The following CSMD2 variants were observed in gnomAD, a reference collection of about 807,000 sequenced individuals.
The protein encoded by CSMD2 is CUB and sushi domain-containing protein 2.
CSMD2 carries 130 observed loss-of-function variants against 398.5 expected under a neutral mutation model. The ratio of observed to expected loss-of-function variants is 0.33; its 90% confidence interval spans 0.28 to 0.38. The LOEUF is 0.38. Among genes scored for constraint, CSMD2 ranks in the 10% least tolerant of loss-of-function variants. The probability of loss-of-function intolerance (pLI) is 1.00; values close to 1 mark genes in which losing one functional copy is unlikely to be tolerated. For synonymous variants in CSMD2, 1,828 were observed against 1,908.5 expected (o/e 0.96, Z 1.10); for missense variants, 3,829 against 4,764.9 (o/e 0.80, Z 5.78).
chr1:34,027,920 A>G (rs200447575), intron 3 of CSMD2, among the ~76,000 whole-genome samples: 3 of 152,096 alleles, frequency 2.0e-5, no homozygotes, highest in East Asian at 1.9e-4. Context: ...CAGGAGGAGG[A>G]GGAGGAGGTA....
intron 2 of CSMD2, among the ~76,000 whole-genome samples, chr1:34,039,092 A>C (rs887743665): frequency 2.6e-5 from 4 of 152,158 alleles, no homozygotes; most frequent in Admixed American, 6.5e-5. Flanking sequence ...GACATCCCAG[A>C]CCAGCCTATT....
At chr1:33,646,565 C>T (rs777900947) in intron 29 of CSMD2, 83 bp downstream of exon 29, 5 of 1,449,966 alleles carry the variant, frequency 3.4e-6, no homozygotes, top group Non-Finnish European at 4.8e-6. Flanking sequence ...CAGCCCAGGG[C>T]TCTCCTCACT....
intron 3 of CSMD2, among the ~76,000 whole-genome samples, chr1:34,023,021 A>G (rs72882632): frequency 0.013 from 1,920 of 152,132 alleles, 35 homozygotes; most frequent in African/African-American, 0.04. Context: ...TATTTTGTAG[A>G]GATGGAGTTT....
At chr1:34,040,277 A>C (rs1053849879) in intron 2 of CSMD2, among the ~76,000 whole-genome samples, 3 of 152,230 alleles carry the variant, frequency 2.0e-5, no homozygotes, top group Non-Finnish European at 2.9e-5. Context: ...TATGAAAGGC[A>C]TACTTCCGGG....
At chr1:34,056,106 G>A (rs1020105210) in intron 2 of CSMD2, among the ~76,000 whole-genome samples, 2 of 152,132 alleles carry the variant, frequency 1.3e-5, no homozygotes, top group East Asian at 3.8e-4. Context: ...TGGTACACTC[G>A]CTTCAGCTCC....
intron 7 of CSMD2, among the ~76,000 whole-genome samples, chr1:33,824,551 T>C (rs1487527386): frequency 1.3e-5 from 2 of 152,150 alleles, no homozygotes; most frequent in Non-Finnish European, 2.9e-5. Context: ...CTCCTGATGT[T>C]CTCCCGGCCA....
chr1:33,520,087 C>T (rs1436144546), intron 68 of CSMD2, 137 bp from the exon 69 acceptor site: 6 of 973,952 alleles, frequency 6.2e-6, no homozygotes, highest in Non-Finnish European at 7.7e-6. Flanking sequence ...GCACGGGAGG[C>T]AGGTGTGCCC....
intron 10 of CSMD2, among the ~76,000 whole-genome samples, chr1:33,792,869 A>G (rs1264563262): frequency 6.6e-6 from 1 of 152,180 alleles, no homozygotes; most frequent in East Asian, 1.9e-4. Flanking sequence ...CTTGTTGGCA[A>G]CTTTTCAGGC....
intron 28 of CSMD2, among the ~76,000 whole-genome samples, chr1:33,649,593 A>G (rs1643646614): frequency 6.6e-6 from 1 of 152,186 alleles, no homozygotes; most frequent in South Asian, 2.1e-4. Flanking sequence ...GCAGTGAGCC[A>G]AGATTGTGCC....
intron 3 of CSMD2, among the ~76,000 whole-genome samples, chr1:33,941,424 C>T (rs1349618370): frequency 6.6e-6 from 1 of 152,136 alleles, no homozygotes; most frequent in Non-Finnish European, 1.5e-5. Flanking sequence ...ATCTCCATGG[C>T]CATACGATTG....
chr1:33,829,766 G>A (rs1045465449), intron 6 of CSMD2, among the ~76,000 whole-genome samples: 6 of 152,214 alleles, frequency 3.9e-5, no homozygotes, highest in South Asian at 2.1e-4. Context: ...AAGGAAAGGG[G>A]TGACAGACGG....
chr1:33,981,696 G>C (rs977452455), intron 3 of CSMD2, among the ~76,000 whole-genome samples: 2 of 152,234 alleles, frequency 1.3e-5, no homozygotes, highest in Non-Finnish European at 2.9e-5. Context: ...ATACAGCAAT[G>C]ACACTGCCAA....
intron 12 of CSMD2, among the ~76,000 whole-genome samples, chr1:33,780,207 C>T (rs765137529): frequency 6.6e-6 from 1 of 152,170 alleles, no homozygotes; most frequent in Non-Finnish European, 1.5e-5. Context: ...AGTGCTCAGA[C>T]CTGTTGTTGA....
At chr1:33,607,403 C>A (rs1018016780) in intron 41 of CSMD2, among the ~76,000 whole-genome samples, 1 of 152,196 alleles carries the variant, frequency 6.6e-6, no homozygotes, top group African/African-American at 2.4e-5. Flanking sequence ...ACAGAAACAG[C>A]CTCAGTGGGG....
chr1:34,124,355 G>A (rs955157149), intron 1 of CSMD2, among the ~76,000 whole-genome samples: 1 of 152,174 alleles, frequency 6.6e-6, no homozygotes, highest in African/African-American at 2.4e-5. Context: ...CTGGTGGGTG[G>A]ACTAGGAGAA....
In CSMD2 at chr1:34,134,581, A is replaced by G. The variant is rs112827192; in HGVS notation, c.187+30330T>C. 5.7e-3 allele frequency among the ~76,000 whole-genome samples: 865 copies of G among 152,348 alleles called. 9 individuals carry two copies. The highest frequency in any genetic ancestry group is 0.02 in the African/African-American group (827 of 41,580). On this transcript the variant is annotated intron_variant, in intron 1 of 70. Coordinates refer to ENST00000373381, the MANE Select transcript of CSMD2 (RefSeq NM_001281956.2). Reference sequence around the variant, plus strand: ...CCAAAACACTGACAAATTTAAGTGCATAAATATGTAGAATCTCTCTATGCA... The same window carrying G: ...CCAAAACACTGACAAATTTAAGTGCGTAAATATGTAGAATCTCTCTATGCA...
At chr1:33,601,149 C>T (rs1640191403) in intron 43 of CSMD2, 139 bp from the exon 44 acceptor site, 1 of 1,091,476 alleles carries the variant, frequency 9.2e-7, no homozygotes, top group East Asian at 2.4e-5. Flanking sequence ...CCACACCATG[C>T]CCTAAATACC....
chr1:34,155,530 C>G (rs1640734552), intron 1 of CSMD2, among the ~76,000 whole-genome samples: 2 of 152,158 alleles, frequency 1.3e-5, no homozygotes, highest in Admixed American at 6.5e-5. Flanking sequence ...ACCAGGATGT[C>G]TGATGGGCTC....
chr1:33,771,543 CGTG>C (rs1651263207), intron 13 of CSMD2, among the ~76,000 whole-genome samples: 1 of 151,868 alleles, frequency 6.6e-6, no homozygotes, highest in Admixed American at 6.6e-5. Context: ...TGTTGGACAA[CGTG>C]ATTTTTTTTT....
Sources: gnomAD v4.1 joint callset for allele counts (sites outside exome capture counted in the v4.1 genomes callset) on GRCh38, gnomAD v4.1.1 for gene constraint, MANE v1.5 for transcripts, NCBI Gene and HGNC (gene_info 2026-07-23, HGNC 2026-07-21) for gene names.